CCDC102B: variants seen among roughly 807,000 people sequenced by gnomAD.
CCDC102B encodes the protein coiled-coil domain-containing protein 102B.
In CCDC102B, 75 loss-of-function variants were observed where a neutral mutation model predicts 57.4. The observed-to-expected ratio is 1.31, with a 90% CI of 1.08 to 1.58. CCDC102B has a LOEUF of 1.58. Ranked by LOEUF, CCDC102B falls within the 40% of genes most tolerant of loss-of-function variation. The pLI is 0.00. For missense variants in CCDC102B, 636 were observed against 582.6 expected (o/e 1.09, Z -0.94); for synonymous variants, 206 against 201.9 (o/e 1.02, Z -0.17).
At chr18:69,049,524 A>G (rs2052651836) in intron 7 of CCDC102B, among the ~76,000 whole-genome samples, 1 of 152,148 alleles carries the variant, frequency 6.6e-6, no homozygotes, top group Non-Finnish European at 1.5e-5. Context: ...ATTGTAAAAT[A>G]TTCAATTGGA....
chr18:68,890,608 C>T (rs956849359), intron 5 of CCDC102B, among the ~76,000 whole-genome samples: 2 of 152,138 alleles, frequency 1.3e-5, no homozygotes, highest in African/African-American at 2.4e-5. Flanking sequence ...AGATTTTTTC[C>T]ATCTTGAAAA....
chr18:68,838,803 G>T lies in CCDC102B; in HGVS notation c.704G>T (p.Gly235Val), dbSNP rs560614390. ...TTCAACAATGGTGGTTCTGGAAACGGTGAAACGAAAACTGGGCTGAGACTG... is the reference window on the plus strand; with the variant it reads ...TTCAACAATGGTGGTTCTGGAAACGTTGAAACGAAAACTGGGCTGAGACTG... ...DLFNNGGSGNGETKTGLRLKA... is the reference protein window; with the variant it reads ...DLFNNGGSGNVETKTGLRLKA... The change falls in exon 3 of 8, where the codon GGT becomes GTT. Residue 235 changes from glycine (G) to valine (V), a missense_variant. Gly to Val is a moderately radical substitution (Grantham distance 109). Transcript: ENST00000360242. 3 of 1,613,876 alleles carry T rather than the reference G, an allele frequency of 1.9e-6. No individual in the cohort carries two copies. In the African/African-American group the frequency reaches 4.0e-5, roughly 22 times the overall value.
chr18:68,716,502 T>G (rs1304296955), intron 1 of CCDC102B: 1 of 152,238 alleles, frequency 6.6e-6, no homozygotes, highest in South Asian at 2.1e-4. Context: ...ATGAAATAAC[T>G]GAATATTTAT....
At position 68,732,678 on chromosome 18, in the gene CCDC102B, A is replaced by G. The variant is rs190070651; in HGVS notation, c.-67+16084A>G. On this transcript the variant is annotated intron_variant, in intron 2 of 3. Coordinates refer to the CCDC102B transcript ENST00000578970. ...AAGGCTTTCTACAGAAATGTCTCATAGTGATCTTTCTTTTGTAACCCTCAC... is the reference window on the plus strand; with the variant it reads ...AAGGCTTTCTACAGAAATGTCTCATGGTGATCTTTCTTTTGTAACCCTCAC... Among the ~76,000 whole-genome samples, 340 of 152,240 alleles carry G rather than the reference A, an allele frequency of 2.2e-3. 1 individual carries two copies. The highest frequency in any genetic ancestry group is 7.8e-3 in the African/African-American group (323 of 41,552).
intron 6 of CCDC102B, among the ~76,000 whole-genome samples, chr18:68,917,499 G>A (rs2041117346): frequency 6.6e-6 from 1 of 152,216 alleles, no homozygotes; most frequent in Non-Finnish European, 1.5e-5. Context: ...GAATTGTCAT[G>A]TTATGACCTT....
intron 7 of CCDC102B, among the ~76,000 whole-genome samples, chr18:69,052,169 A>G (rs1178949027): frequency 2.6e-5 from 4 of 151,962 alleles, no homozygotes; most frequent in African/African-American, 9.7e-5. Context: ...AAAAATGCCA[A>G]AATAGAGTAA....
rs146797216 is a variant in CCDC102B, at chr18:68,834,170, A to G, written c.-15-2579A>G. Reference sequence around the variant, plus strand: ...TTTTTATTTAGTCAGATGTGAAAAAATACACAGTTAATTGGTAGGCAAGAT... The same window carrying G: ...TTTTTATTTAGTCAGATGTGAAAAAGTACACAGTTAATTGGTAGGCAAGAT... On this transcript the variant is annotated intron_variant, in intron 1 of 7. Coordinates refer to ENST00000360242, the MANE Select transcript of CCDC102B (RefSeq NM_024781.3). Among the ~76,000 whole-genome samples, 1,012 of 152,248 alleles carry G rather than the reference A, an allele frequency of 6.6e-3. 13 individuals carry two copies. The highest frequency in any genetic ancestry group is 0.023 in the African/African-American group (964 of 41,540).
At chr18:68,900,504 C>A (rs1360291084) in intron 6 of CCDC102B, among the ~76,000 whole-genome samples, 1 of 151,916 alleles carries the variant, frequency 6.6e-6, no homozygotes, top group Non-Finnish European at 1.5e-5. Flanking sequence ...AATGTGAATT[C>A]GATAATTTGA....
rs552690838 is a variant in CCDC102B at position 68,842,992 on chromosome 18, C to T, written c.828-3321C>T. 1.9e-3 allele frequency among the ~76,000 whole-genome samples: 288 copies of T among 152,148 alleles called. 1 individual carries two copies. The highest frequency in any genetic ancestry group is 2.7e-3 in the Non-Finnish European group (183 of 68,008). The stretch of plus-strand genomic sequence containing the variant: ...ATGAGAGTTGGTCTTGGTCCCTGTC[C>T]GCTTCATCTGCAAGCCTTGTTCTAT... On this transcript the variant is annotated intron_variant, in intron 3 of 7. Transcript: ENST00000360242.
intron 7 of CCDC102B, among the ~76,000 whole-genome samples, chr18:69,049,538 A>G (rs1360756844): frequency 2.6e-5 from 4 of 152,162 alleles, no homozygotes; most frequent in Non-Finnish European, 5.9e-5. Flanking sequence ...AATTGGAAGA[A>G]TAAAGGTGCT....
At position 68,760,350 on chromosome 18, in the gene CCDC102B, C is replaced by T. The variant is rs1008191940; in HGVS notation, c.-67+43756C>T. Among the ~76,000 whole-genome samples the T allele has an allele frequency of 3.3e-5, 5 of 152,014 alleles. No individual in the cohort carries two copies. The East Asian group carries it at 9.7e-4, about 29-fold the overall frequency. ...GAGTGCAAGCTTTAAATTAGAATAC[C>T]ACCAGTGTGAAAGAGATGAACACAG... On this transcript the variant is annotated intron_variant, in intron 2 of 3. Transcript: ENST00000578970.
Position 68,723,881 on chromosome 18 carries a change from T to C in CCDC102B, c.-67+7287T>C, listed in dbSNP as rs1416660811. On this transcript the variant is annotated intron_variant, in intron 2 of 3. Transcript: ENST00000578970. ...CTAGTCAGTGCCCCAGTGGGGATGC[T>C]GTGGTGGGGGCTGTGATGAAACATT... Among the ~76,000 whole-genome samples the C allele has an allele frequency of 1.1e-4, 16 of 152,328 alleles. No individual in the cohort carries two copies. In the East Asian group the frequency reaches 1.5e-3, roughly 15 times the overall value.
chr18:68,863,056 A>G (rs1359449943), intron 4 of CCDC102B, among the ~76,000 whole-genome samples: 1 of 151,886 alleles, frequency 6.6e-6, no homozygotes, highest in Admixed American at 6.6e-5. Flanking sequence ...GCTAATATTA[A>G]ATATTTACTG....
chr18:68,808,290 C>A (rs2036105008), intron 1 of CCDC102B, among the ~76,000 whole-genome samples: 1 of 151,838 alleles, frequency 6.6e-6, no homozygotes, highest in Non-Finnish European at 1.5e-5. Context: ...TATAATAATT[C>A]TACAAATCAG....
intron 6 of CCDC102B, among the ~76,000 whole-genome samples, chr18:68,988,153 A>G (rs1413101709): frequency 2.0e-5 from 3 of 152,184 alleles, no homozygotes; most frequent in Non-Finnish European, 4.4e-5. Flanking sequence ...TAAGGTGCCC[A>G]TCAACAGTGG....
rs143073599 is a variant in CCDC102B, at chr18:68,828,127, T to G, written c.-15-8622T>G. ...GAAACAGACAAGTCAGGAATTATAG[T>G]TGAGGATTTCAGAAATCTCTCTCAA... On this transcript the variant is annotated intron_variant, in intron 1 of 7. Coordinates refer to ENST00000360242, the MANE Select transcript of CCDC102B (RefSeq NM_024781.3). Among the ~76,000 whole-genome samples, 40 of 151,834 alleles carry G rather than the reference T, an allele frequency of 2.6e-4. 2 individuals are homozygous for G. The highest frequency in any genetic ancestry group is 4.1e-4 in the Non-Finnish European group (28 of 67,762).
intron 4 of CCDC102B, among the ~76,000 whole-genome samples, chr18:68,853,240 C>T (rs1055858110): frequency 6.6e-6 from 1 of 152,116 alleles, no homozygotes; most frequent in Non-Finnish European, 1.5e-5. Context: ...ATGCACCATA[C>T]ATTTAAATGA....
chr18:68,844,055 T>G lies in CCDC102B; in HGVS notation c.828-2258T>G, dbSNP rs571748725. 4.5e-4 allele frequency among the ~76,000 whole-genome samples: 69 copies of G among 152,078 alleles called. No homozygotes were observed. The South Asian group carries it at 0.013, about 28-fold the overall frequency. On this transcript the variant is annotated intron_variant, in intron 3 of 7. Transcript: ENST00000360242. Reference sequence around the variant, plus strand: ...TCACTCCCCTAACCAAATGGTAACCTTTTACATAATAAAAATGCATACTTT... The same window carrying G: ...TCACTCCCCTAACCAAATGGTAACCGTTTACATAATAAAAATGCATACTTT...
intron 2 of CCDC102B, among the ~76,000 whole-genome samples, chr18:68,775,927 C>G (rs1306613616): frequency 2.0e-5 from 3 of 152,180 alleles, no homozygotes; most frequent in Non-Finnish European, 4.4e-5. Context: ...GCTGGGATTA[C>G]AGGCGTGAGC....
Sources: allele counts gnomAD v4.1 joint callset (sites outside exome capture counted in the v4.1 genomes callset), GRCh38; gene constraint gnomAD v4.1.1; transcripts MANE v1.5; gene names NCBI Gene and HGNC (gene_info 2026-07-23, HGNC 2026-07-21).